CNTNAP1: variants seen among roughly 807,000 people sequenced by gnomAD.
The protein encoded by CNTNAP1 is contactin associated protein 1.
In CNTNAP1, 80 loss-of-function variants were observed where a neutral mutation model predicts 161.5. That is an observed-to-expected ratio of 0.50 (90% confidence interval 0.41 to 0.60). The LOEUF is 0.60. Ranked by LOEUF, CNTNAP1 falls within the 20% of genes least tolerant of loss-of-function variation. The pLI is 0.00. For missense variants in CNTNAP1, 1,464 were observed against 1,854.8 expected, an observed-to-expected ratio of 0.79 and a Z score of 3.87; for synonymous variants, 695 against 733.1, an observed-to-expected ratio of 0.95 and a Z score of 0.84.
In CNTNAP1 at chr17:42,685,402, C is replaced by T; in HGVS notation, c.697C>T (p.Leu233=). Reference sequence around the variant, plus strand: ...GCTCGAGCTGGAGGGGGCACACCTGCTGCTGCACATGAGCCTGGGTGAGCT... The same window carrying T: ...GCTCGAGCTGGAGGGGGCACACCTGTTGCTGCACATGAGCCTGGGTGAGCT... ...VTLELEGAHL[L]LHMSLGSSPI... Residue 233 remains leucine (L), a synonymous_variant, in exon 5 of 24, where the codon CTG becomes TTG. Transcript: ENST00000264638. The surrounding 1 kb of genome is among the most constrained non-coding windows in gnomAD (Gnocchi z 5.0). 1 of 1,603,396 alleles carries T rather than the reference C, an allele frequency of 6.2e-7. No individual in the cohort carries two copies. The highest frequency in any genetic ancestry group is 8.5e-7 in the Non-Finnish European group (1 of 1,179,854).
chr17:42,691,717 C>G lies in CNTNAP1; in HGVS notation c.2345-89C>G, dbSNP rs1426955607. ...CGTCACCTCAAACCCTCCCCCTTTG[C>G]CCAACCTTCCCTGCCCCCAACCCCA... is the stretch of plus-strand genomic sequence containing the variant. On this transcript the variant is annotated intron_variant, in intron 15 of 23. Coordinates refer to ENST00000264638, the MANE Select transcript of CNTNAP1 (RefSeq NM_003632.3). This position sits in a 1 kb window ranked among gnomAD's most constrained non-coding sequence, Gnocchi z 4.3. The G allele has an allele frequency of 2.1e-6, 3 of 1,454,380 alleles. No individual in the cohort carries two copies. The highest frequency in any genetic ancestry group is 2.9e-6 in the Non-Finnish European group (3 of 1,049,302). 90.1% of individuals were successfully genotyped at this position (1,454,380 alleles called of 1,614,324 possible).
At position 42,685,473 on chromosome 17, in the gene CNTNAP1, C is replaced by T. The variant is rs1597804277; in HGVS notation, c.715+53C>T. 2.6e-6 allele frequency: 4 copies of T among 1,526,354 alleles called. No homozygotes were observed. The South Asian group carries it at 4.6e-5, about 18-fold the overall frequency. 94.6% of individuals were successfully genotyped at this position (1,526,354 alleles called of 1,614,324 possible). On this transcript the variant is annotated intron_variant, in intron 5 of 23. Transcript: ENST00000264638. This position sits in a 1 kb window ranked among gnomAD's most constrained non-coding sequence, Gnocchi z 5.0. The stretch of plus-strand genomic sequence containing the variant: ...GAGCCAACCCCTGAAGCTCTCTCAC[C>T]GCCCTCCTCGTGGCACCTCCTCCGC...
chr17:42,692,949 A>G (rs1597809347), intron 17 of CNTNAP1, among the ~76,000 whole-genome samples: 2 of 144,452 alleles, frequency 1.4e-5, no homozygotes, highest in African/African-American at 5.1e-5. Context: ...CTCTGCCTCC[A>G]TTTCTTTTCT....
At chr17:42,684,255 A>C in intron 3 of CNTNAP1, 26 bp downstream of exon 3, 1 of 1,594,988 alleles carries the variant, frequency 6.3e-7, no homozygotes, top group South Asian at 1.1e-5. Flanking sequence ...AGGCGGTAAC[A>C]CTTGGGGAGC....
Position 42,685,071 on chromosome 17 carries a change from C to T in CNTNAP1, c.444C>T (p.Ile148=), listed in dbSNP as rs985787228. Residue 148 remains isoleucine (I), a synonymous_variant, in exon 4 of 24, where the codon ATC becomes ATT. Transcript: ENST00000264638. This position sits in a 1 kb window ranked among gnomAD's most constrained non-coding sequence, Gnocchi z 5.0. Reference sequence around the variant, plus strand: ...ACTTCACTGCGCGCTACATCCGCATCGTGCCCCTGGCCTGGAACCCACGCG... The same window carrying T: ...ACTTCACTGCGCGCTACATCCGCATTGTGCCCCTGGCCTGGAACCCACGCG... ...HFHFTARYIR[I]VPLAWNPRGK... 2 of 1,580,234 alleles carry T rather than the reference C, an allele frequency of 1.3e-6. No individual in the cohort carries two copies. Among genetic ancestry groups the T allele is most frequent in the Admixed American group, 3.5e-5 (2 of 56,368 alleles).
rs2052987772 is a variant in CNTNAP1, at chr17:42,685,095, C to T, written c.468C>T (p.Arg156=). ...TCGTGCCCCTGGCCTGGAACCCACG[C>T]GGCAAGATCGGCCTGAGGCTCGGCC... ...IRIVPLAWNP[R]GKIGLRLGLY... is the part of the protein sequence containing the mutation. The change falls in exon 4 of 24, where the codon CGC becomes CGT. Residue 156 remains arginine, a synonymous_variant. Coordinates refer to ENST00000264638, the MANE Select transcript of CNTNAP1 (RefSeq NM_003632.3). The surrounding 1 kb of genome is among the most constrained non-coding windows in gnomAD (Gnocchi z 5.0). The T allele has an allele frequency of 6.3e-7, 1 of 1,578,272 alleles. No homozygotes were observed. The highest frequency in any genetic ancestry group is 2.2e-5 in the East Asian group (1 of 44,552).
rs565162357 is a variant in CNTNAP1 at position 42,687,385 on chromosome 17, C to G, written c.1045-335C>G. 151 of 511,354 alleles carry G rather than the reference C, an allele frequency of 3.0e-4. No individual in the cohort carries two copies. Among genetic ancestry groups the G allele is most frequent in the African/African-American group, 2.6e-3 (137 of 52,454 alleles). 31.7% of individuals were successfully genotyped at this position (511,354 alleles called of 1,614,324 possible). A position where few individuals can be genotyped will look rare whatever the true frequency, so the allele number is the denominator to read the frequency against. On this transcript the variant is annotated intron_variant, in intron 7 of 23. Transcript: ENST00000264638. The surrounding 1 kb of genome is among the most constrained non-coding windows in gnomAD (Gnocchi z 4.7). Reference sequence around the variant, plus strand: ...CTTCTCTGATATGCCCCCCTCAACCCTCTCCGACTCTGGAGCTCTGTTGGG... The same window carrying G: ...CTTCTCTGATATGCCCCCCTCAACCGTCTCCGACTCTGGAGCTCTGTTGGG...
rs374653309 is a variant in CNTNAP1 at position 42,696,203 on chromosome 17, G to A, written c.3474+51G>A. ...TTCAGATCATAACCTCATGGTCTCC[G>A]TTGTGGCATCCAGGAAAACATCAAA... On this transcript the variant is annotated intron_variant, in intron 20 of 23. Transcript: ENST00000264638. 6.7e-5 allele frequency: 107 copies of A among 1,600,508 alleles called. 1 individual carries two copies. The highest frequency in any genetic ancestry group is 2.2e-4 in the Admixed American group (13 of 58,170).
At chr17:42,693,582 T>C in intron 18 of CNTNAP1, 46 bp downstream of exon 18, 1 of 1,596,106 alleles carries the variant, frequency 6.3e-7, no homozygotes, top group Non-Finnish European at 8.6e-7. Flanking sequence ...TAGGGTGTAA[T>C]GGGATGTAGG....
chr17:42,688,835 G>A, intron 9 of CNTNAP1, 41 bp from the exon 10 acceptor site: 2 of 1,609,910 alleles, frequency 1.2e-6, no homozygotes, highest in Non-Finnish European at 1.7e-6. Flanking sequence ...GGGTCTTTGG[G>A]GTCTCCCCTG....
intron 9 of CNTNAP1, 96 bp from the exon 10 acceptor site, chr17:42,688,780 T>C (rs2053049729): frequency 3.2e-6 from 5 of 1,544,944 alleles, no homozygotes; most frequent in Non-Finnish European, 4.4e-6. Context: ...TGTAGTCCCC[T>C]TTCTTCCTTT....
intron 23 of CNTNAP1, 114 bp downstream of exon 23, chr17:42,698,064 A>T (rs1016392101): frequency 8.5e-7 from 1 of 1,171,380 alleles, no homozygotes; most frequent in African/African-American, 1.5e-5. Flanking sequence ...TAGATGCACA[A>T]TGGCACAAAG....
In CNTNAP1 at chr17:42,698,642, G is replaced by A; in HGVS notation, c.3887G>A (p.Gly1296Glu). ...GTTTTGGTGGCCTTTCTGCTGCTGG[G>A]GCTGGTGGGAATGTTGGTGCTCTTC... ...LGFLVAFLLL[G>E]LVGMLVLFYL... The change falls in exon 24 of 24, where the codon GGG (glycine) becomes GAG (glutamate). Residue 1296 changes from glycine (G) to glutamate (E), a missense_variant. Physicochemically the swap from Gly to Glu is moderately conservative, Grantham distance 98. Transcript: ENST00000264638. 1 of 1,600,920 alleles carries A rather than the reference G, an allele frequency of 6.2e-7. No homozygotes were observed. The highest frequency in any genetic ancestry group is 2.2e-5 in the East Asian group (1 of 44,520).
chr17:42,689,668 G>A, intron 11 of CNTNAP1, 41 bp downstream of exon 11: 2 of 1,521,722 alleles, frequency 1.3e-6, no homozygotes, highest in Non-Finnish European at 1.8e-6. Context: ...GGACAAGGGA[G>A]GTCAATAGAA....
intron 1 of CNTNAP1, 96 bp downstream of exon 1, chr17:42,682,992 C>T: frequency 8.5e-7 from 1 of 1,175,672 alleles, no homozygotes; most frequent in Non-Finnish European, 1.2e-6. Context: ...GGTCGCGGGT[C>T]CTTCCCGGCC....
At chr17:42,683,967 G>C (rs1449896158) in intron 2 of CNTNAP1, 45 bp downstream of exon 2, 2 of 1,613,380 alleles carry the variant, frequency 1.2e-6, no homozygotes, top group Admixed American at 3.3e-5. Context: ...GCGCACCGCG[G>C]AAGGGTGGGG....
At chr17:42,683,992 TC>T (rs759485993) in intron 2 of CNTNAP1, 43 bp from the exon 3 acceptor site, 2 of 1,613,112 alleles carry the variant, frequency 1.2e-6, no homozygotes, top group East Asian at 4.5e-5. Flanking sequence ...CCGGAGGACT[TC>T]GGGGAGAGGG....
chr17:42,683,046 C>A (rs2052957253), intron 1 of CNTNAP1, 150 bp downstream of exon 1: 2 of 760,278 alleles, frequency 2.6e-6, no homozygotes, highest in Non-Finnish European at 4.1e-6. Context: ...CTCTCCCCCG[C>A]GCTCCGCATT....
Position 42,685,362 on chromosome 17 carries a change from G to C in CNTNAP1, c.657G>C (p.Gln219His), listed in dbSNP as rs1332713267. ...DGLLLHAEGA[Q>H]GDYVTLELEG... ...TTCTGCTGCACGCCGAGGGCGCCCA[G>C]GGCGACTACGTGACGCTCGAGCTGG... The change falls in exon 5 of 24, where the codon CAG (glutamine) becomes CAC (histidine). Residue 219 changes from glutamine to histidine, a missense_variant. Coordinates refer to ENST00000264638, the MANE Select transcript of CNTNAP1 (RefSeq NM_003632.3). The surrounding 1 kb of genome is among the most constrained non-coding windows in gnomAD (Gnocchi z 5.0). The C allele has an allele frequency of 6.2e-7, 1 of 1,608,380 alleles. No individual in the cohort carries two copies. The highest frequency in any genetic ancestry group is 2.2e-5 in the East Asian group (1 of 44,880).
Sources: allele counts gnomAD v4.1 joint callset (sites outside exome capture counted in the v4.1 genomes callset), GRCh38; gene constraint gnomAD v4.1.1; non-coding constraint Gnocchi (gnomAD v3.1); transcripts MANE v1.5; gene names NCBI Gene and HGNC (gene_info 2026-07-23, HGNC 2026-07-21).